The following ANKS1B variants were observed in gnomAD, a reference collection of about 807,000 sequenced individuals.
ANKS1B encodes the protein ankyrin repeat and sterile alpha motif domain-containing protein 1B.
Under a neutral mutation model 148.3 loss-of-function variants are expected in ANKS1B, and 36 were observed. The ratio of observed to expected loss-of-function variants is 0.24; its 90% confidence interval spans 0.19 to 0.32. The LOEUF (loss-of-function observed/expected upper bound fraction) is 0.32. Ranked by LOEUF, ANKS1B falls within the 10% of genes least tolerant of loss-of-function variation. The probability of loss-of-function intolerance (pLI) is 1.00; values close to 1 mark genes in which losing one functional copy is unlikely to be tolerated. For missense variants in ANKS1B, 1,157 were observed against 1,542.6 expected (o/e 0.75, Z 4.19); for synonymous variants, 542 against 560.8 (o/e 0.97, Z 0.47).
At chr12:98,747,116 C>CAAAGCGA (rs1302469471) in intron 26 of ANKS1B, among the ~76,000 whole-genome samples, 1 of 152,122 alleles carries the variant, frequency 6.6e-6, no homozygotes, top group Non-Finnish European at 1.5e-5. Flanking sequence ...AAACAATCAA[C>CAAAGCGA]AAAGCGAAAA....
chr12:99,072,127 C>A (rs1042138086), intron 16 of ANKS1B, among the ~76,000 whole-genome samples: 1 of 152,064 alleles, frequency 6.6e-6, no homozygotes, highest in African/African-American at 2.4e-5. Flanking sequence ...CTGTGAGAAA[C>A]CCACTAGCTC....
intron 12 of ANKS1B, among the ~76,000 whole-genome samples, chr12:99,310,296 A>AT (rs1345150672): frequency 6.6e-6 from 1 of 152,146 alleles, no homozygotes; most frequent in Non-Finnish European, 1.5e-5. Context: ...GTGATGATTA[A>AT]TTTTACATGT....
chr12:99,886,117 C>T (rs548930355), intron 1 of ANKS1B, among the ~76,000 whole-genome samples: 4 of 152,250 alleles, frequency 2.6e-5, no homozygotes, highest in African/African-American at 9.6e-5. Flanking sequence ...ACTTACATTC[C>T]CACCAGCAGT....
chr12:99,228,580 TGTGAAA>T (rs974137131), intron 14 of ANKS1B, among the ~76,000 whole-genome samples: 50 of 152,006 alleles, frequency 3.3e-4, no homozygotes. Flanking sequence ...TAAAATGGTA[TGTGAAA>T]GTGAAGATTG....
At chr12:99,054,566 TC>T (rs1239181018) in intron 16 of ANKS1B, among the ~76,000 whole-genome samples, 2 of 152,130 alleles carry the variant, frequency 1.3e-5, no homozygotes, top group African/African-American at 4.8e-5. Flanking sequence ...TGAAATGGAG[TC>T]TTGCTCTATT....
chr12:99,165,421 A>G (rs1219205705), intron 14 of ANKS1B, among the ~76,000 whole-genome samples: 1 of 151,866 alleles, frequency 6.6e-6, no homozygotes, highest in Non-Finnish European at 1.5e-5. Flanking sequence ...AGTAATCAAT[A>G]CCGGGAATGA....
At chr12:98,753,613 G>A (rs901014632) in intron 25 of ANKS1B, among the ~76,000 whole-genome samples, 1 of 152,058 alleles carries the variant, frequency 6.6e-6, no homozygotes, top group Non-Finnish European at 1.5e-5. Flanking sequence ...TTTTAGTAGA[G>A]ATGGGGTTTC....
intron 17 of ANKS1B, among the ~76,000 whole-genome samples, chr12:99,006,550 C>T (rs1308729683): frequency 6.6e-6 from 1 of 152,176 alleles, no homozygotes; most frequent in Non-Finnish European, 1.5e-5. Flanking sequence ...TAAATGGCAA[C>T]AGTCCTATTC....
intron 10 of ANKS1B, among the ~76,000 whole-genome samples, chr12:99,478,247 T>C (rs1452463615): frequency 6.6e-6 from 1 of 152,134 alleles, no homozygotes; most frequent in Non-Finnish European, 1.5e-5. Flanking sequence ...TGTTTCCTCA[T>C]GGTTACATGT....
chr12:98,762,507 C>A (rs1202076162), intron 25 of ANKS1B, among the ~76,000 whole-genome samples: 1 of 152,212 alleles, frequency 6.6e-6, no homozygotes, highest in East Asian at 1.9e-4. Flanking sequence ...AAAACACCTT[C>A]ATTCCAGCAA....
intron 8 of ANKS1B, among the ~76,000 whole-genome samples, chr12:99,739,744 CT>C (rs1170546281): frequency 2.6e-5 from 4 of 152,096 alleles, no homozygotes; most frequent in African/African-American, 9.7e-5. Context: ...TTTTCTCCCC[CT>C]GGAATATTCA....
intron 14 of ANKS1B, among the ~76,000 whole-genome samples, chr12:99,208,253 C>G (rs1032628588): frequency 6.6e-6 from 1 of 152,032 alleles, no homozygotes; most frequent in African/African-American, 2.4e-5. Context: ...AACTAGGTAA[C>G]TTACTGTATT....
chr12:99,811,479 C>G (rs1183608596), intron 3 of ANKS1B, among the ~76,000 whole-genome samples: 1 of 151,882 alleles, frequency 6.6e-6, no homozygotes, highest in Admixed American at 6.6e-5. Context: ...CCATATTTTA[C>G]TTTCTAGAAT....
intron 14 of ANKS1B, among the ~76,000 whole-genome samples, chr12:99,193,432 T>A (rs1039708909): frequency 6.6e-6 from 1 of 152,122 alleles, no homozygotes; most frequent in Non-Finnish European, 1.5e-5. Flanking sequence ...TACAAATAGT[T>A]CATATCCACT....
intron 12 of ANKS1B, among the ~76,000 whole-genome samples, chr12:99,323,290 T>G (rs1259478886): frequency 4.6e-5 from 7 of 152,308 alleles, no homozygotes; most frequent in Non-Finnish European, 8.8e-5. Context: ...TACAACGGAG[T>G]TCCTTGAGTG....
intron 9 of ANKS1B, among the ~76,000 whole-genome samples, chr12:99,551,551 AGGGG>A (rs2097218795): frequency 8.4e-5 from 2 of 23,852 alleles, no homozygotes; most frequent in African/African-American, 1.3e-4. Context: ...AGGGGAGGGG[AGGGG>A]AGGGGAGGGG....
Position 99,489,740 on chromosome 12 carries a change from A to C in ANKS1B, c.1438+14736T>G, listed in dbSNP as rs1327961115. ...AAGGAATGGAGTGCTTAGCTGATTC[A>C]ATGCTCTCGACTTGTTTACGGCATA... On this transcript the variant is annotated intron_variant, in intron 10 of 26. Transcript: ENST00000683438. Among the ~76,000 whole-genome samples, 4 of 152,220 alleles carry C rather than the reference A, an allele frequency of 2.6e-5. No homozygotes were observed. In the East Asian group the frequency reaches 5.8e-4, roughly 22 times the overall value.
chr12:99,610,336 C>A (rs1247025140), intron 9 of ANKS1B, among the ~76,000 whole-genome samples: 1 of 152,056 alleles, frequency 6.6e-6, no homozygotes, highest in Non-Finnish European at 1.5e-5. Context: ...TTCCTGACCT[C>A]TCTGTGTAGC....
In ANKS1B at chr12:99,211,627, G is replaced by A. The variant is rs113243207; in HGVS notation, c.2419+32715C>T. 2.9e-3 allele frequency among the ~76,000 whole-genome samples: 438 copies of A among 152,290 alleles called. 2 individuals carry two copies. Among genetic ancestry groups the A allele is most frequent in the African/African-American group, 0.01 (418 of 41,562 alleles). ...TTATAATTTTGTCTTTTGACACCAG[G>A]AAGGACCCGCTCCAGTTCTGCCTAC... On this transcript the variant is annotated intron_variant, in intron 14 of 26. Coordinates refer to ENST00000683438, the MANE Select transcript of ANKS1B (RefSeq NM_001352186.2).
Sources: gnomAD v4.1 joint callset for allele counts (sites outside exome capture counted in the v4.1 genomes callset) on GRCh38, gnomAD v4.1.1 for gene constraint, MANE v1.5 for transcripts, NCBI Gene and HGNC (gene_info 2026-07-23, HGNC 2026-07-21) for gene names.